HS2ST1: variants seen among roughly 807,000 people sequenced by gnomAD.
The protein encoded by HS2ST1 is heparan sulfate 2-O-sulfotransferase 1, also known as 2-O-sulfotransferase.
HS2ST1 carries 18 observed loss-of-function variants against 42.9 expected under a neutral mutation model. The ratio of observed to expected loss-of-function variants is 0.42; its 90% CI spans 0.29 to 0.62. The LOEUF is 0.62. HS2ST1 is among the 20% of genes least tolerant of loss of function. HS2ST1 has a pLI of 0.21. For missense variants in HS2ST1, 334 were observed against 433.8 expected, an observed-to-expected ratio of 0.77 and a Z score of 2.04; for synonymous variants, 146 against 152.9, an observed-to-expected ratio of 0.95 and a Z score of 0.33.
chr1:87,073,306 G>A, intron 2 of HS2ST1, 134 bp downstream of exon 2: 1 of 666,280 alleles, frequency 1.5e-6, no homozygotes. Flanking sequence ...TAGGGGAGAG[G>A]GCCAGCTAAC....
In HS2ST1 at chr1:87,017,754, A is replaced by G. The variant is rs1649803041; in HGVS notation, c.125-55180A>G. Among the ~76,000 whole-genome samples the G allele has an allele frequency of 2.0e-5, 3 of 150,818 alleles. No homozygotes were observed. The South Asian group carries it at 6.3e-4, about 32-fold the overall frequency. Reference sequence around the variant, plus strand: ...TGCTTTTTTATTTTTGATTTTTGATATATGTGTCCTTTCTTCTGGCTTAGC... The same window carrying G: ...TGCTTTTTTATTTTTGATTTTTGATGTATGTGTCCTTTCTTCTGGCTTAGC... On this transcript the variant is annotated intron_variant, in intron 1 of 6. Coordinates refer to ENST00000370550, the MANE Select transcript of HS2ST1 (RefSeq NM_012262.4).
intron 1 of HS2ST1, among the ~76,000 whole-genome samples, chr1:87,060,369 A>G (rs555420574): frequency 6.6e-6 from 1 of 152,318 alleles, no homozygotes; most frequent in South Asian, 2.1e-4. Flanking sequence ...GTAGTGCTGT[A>G]TTTAACTATA....
At chr1:86,965,926 T>C (rs1323916673) in intron 1 of HS2ST1, among the ~76,000 whole-genome samples, 1 of 152,238 alleles carries the variant, frequency 6.6e-6, no homozygotes, top group African/African-American at 2.4e-5. Context: ...TTTGGGAAGA[T>C]ACTTTGTGTT....
chr1:87,043,193 T>C, intron 1 of HS2ST1, among the ~76,000 whole-genome samples: 1 of 152,092 alleles, frequency 6.6e-6, no homozygotes, highest in East Asian at 1.9e-4. Context: ...TTTGTGATAA[T>C]TTTAAGTACT....
intron 2 of HS2ST1, among the ~76,000 whole-genome samples, chr1:87,083,193 G>A (rs1032576562): frequency 2.6e-5 from 4 of 152,256 alleles, no homozygotes. Flanking sequence ...TGAGTGTAGT[G>A]TAGTATGAAG....
At chr1:86,979,125 G>A (rs902776910) in intron 1 of HS2ST1, among the ~76,000 whole-genome samples, 32 of 152,062 alleles carry the variant, frequency 2.1e-4, no homozygotes, top group Admixed American at 1.8e-3. Flanking sequence ...TAAAATGCTA[G>A]GATTATAGGC....
At chr1:87,048,597 T>G (rs1442776852) in intron 1 of HS2ST1, among the ~76,000 whole-genome samples, 2 of 126,224 alleles carry the variant, frequency 1.6e-5, no homozygotes, top group East Asian at 5.6e-4. Context: ...ATTTTTATCA[T>G]GCTTCTAGTC....
At chr1:87,090,565 A>G (rs1009333409) in intron 3 of HS2ST1, among the ~76,000 whole-genome samples, 5 of 152,010 alleles carry the variant, frequency 3.3e-5, no homozygotes, top group African/African-American at 7.2e-5. Context: ...TGCTAGAGTC[A>G]TCAGGAAGAG....
intron 3 of HS2ST1, among the ~76,000 whole-genome samples, chr1:87,085,283 T>C (rs1298445973): frequency 3.3e-5 from 5 of 152,172 alleles, no homozygotes; most frequent in Admixed American, 2.6e-4. Context: ...CACCTTGATA[T>C]ATTGGTCAAC....
At chr1:86,919,973 G>T (rs530574148) in intron 1 of HS2ST1, among the ~76,000 whole-genome samples, 21 of 152,328 alleles carry the variant, frequency 1.4e-4, no homozygotes, top group South Asian at 4.1e-4. Context: ...TAAAATGTCA[G>T]AATTTGTGGC....
At chr1:87,004,652 A>G (rs1649385412) in intron 1 of HS2ST1, among the ~76,000 whole-genome samples, 1 of 152,196 alleles carries the variant, frequency 6.6e-6, no homozygotes, top group Non-Finnish European at 1.5e-5. Flanking sequence ...TATTCCCTGA[A>G]CTAATTCCAT....
chr1:87,057,922 CTG>C (rs1303983422), intron 1 of HS2ST1, among the ~76,000 whole-genome samples: 2 of 151,638 alleles, frequency 1.3e-5, no homozygotes, highest in Admixed American at 6.6e-5. Flanking sequence ...CTGGGTGAAA[CTG>C]AATAAAATAG....
intron 1 of HS2ST1, among the ~76,000 whole-genome samples, chr1:87,004,334 C>T (rs977793207): frequency 1.3e-5 from 2 of 151,946 alleles, no homozygotes; most frequent in African/African-American, 2.4e-5. Context: ...GAGGTTGCAG[C>T]GAGCCGAGAT....
intron 4 of HS2ST1, among the ~76,000 whole-genome samples, chr1:87,096,830 A>G (rs909159156): frequency 7.2e-5 from 11 of 152,358 alleles, no homozygotes; most frequent in African/African-American, 2.6e-4. Flanking sequence ...TTTTGAGAAA[A>G]TATCACCAAA....
At chr1:87,069,702 A>G (rs543377774) in intron 1 of HS2ST1, among the ~76,000 whole-genome samples, 1 of 152,324 alleles carries the variant, frequency 6.6e-6, no homozygotes, top group East Asian at 1.9e-4. Context: ...AAACACTTGA[A>G]AAATAGAAAA....
intron 1 of HS2ST1, among the ~76,000 whole-genome samples, chr1:86,939,330 C>G (rs1336290558): frequency 1.3e-5 from 2 of 152,036 alleles, no homozygotes. Context: ...GCTTATTTCT[C>G]TTGTCTTATT....
intron 1 of HS2ST1, among the ~76,000 whole-genome samples, chr1:87,069,104 G>T (rs1307105278): frequency 6.6e-6 from 1 of 152,150 alleles, no homozygotes; most frequent in East Asian, 1.9e-4. Flanking sequence ...GAAGAGGTGG[G>T]CCTAGTCTTG....
intron 1 of HS2ST1, among the ~76,000 whole-genome samples, chr1:86,916,751 A>G (rs1452888391): frequency 6.6e-6 from 1 of 152,194 alleles, no homozygotes; most frequent in Non-Finnish European, 1.5e-5. Flanking sequence ...TTAATGATCC[A>G]GCTCTACAGA....
chr1:87,045,621 A>C, intron 1 of HS2ST1: 1 of 777,632 alleles, frequency 1.3e-6, no homozygotes, highest in Middle Eastern at 2.3e-4. Flanking sequence ...GCAGTGGTCT[A>C]TTTTTCCTGA....
Sources: gnomAD v4.1 joint callset for allele counts (sites outside exome capture counted in the v4.1 genomes callset) on GRCh38, gnomAD v4.1.1 for gene constraint, MANE v1.5 for transcripts, NCBI Gene and HGNC (gene_info 2026-07-23, HGNC 2026-07-21) for gene names.